The following FBXL4 variants were observed in gnomAD, a reference collection of about 807,000 sequenced individuals.
FBXL4 encodes F-box/LRR-repeat protein 4.
Under a neutral mutation model 58.9 loss-of-function variants are expected in FBXL4, and 40 were observed. The observed-to-expected ratio is 0.68, with a 90% CI of 0.53 to 0.88. The LOEUF (loss-of-function observed/expected upper bound fraction) is 0.88, where lower values mean the gene tolerates loss of function less well. Among genes scored for constraint, FBXL4 ranks in the 40% least tolerant of loss-of-function variants. The probability of loss-of-function intolerance (pLI) is 0.00; values close to 1 mark genes in which losing one functional copy is unlikely to be tolerated. For synonymous variants in FBXL4, 263 were observed against 265.5 expected (o/e 0.99, Z 0.09); for missense variants, 676 against 734.4 (o/e 0.92, Z 0.92).
At position 98,871,965 on chromosome 6, in the gene FBXL4, T is replaced by C. The variant is rs1582353536; in HGVS notation, c.*2313A>G. ...CTTTTGCTCAAGACTTAATAAAATT[T>C]TGAAATGAATTCAAGCCAAAATTAC... On this transcript the variant is annotated 3_prime_UTR_variant, in exon 10 of 10. Coordinates refer to ENST00000369244, the MANE Select transcript of FBXL4 (RefSeq NM_001278716.2). 1 of 152,212 alleles carries C rather than the reference T, an allele frequency of 6.6e-6. No homozygotes were observed. The highest frequency in any genetic ancestry group is 1.5e-5 in the Non-Finnish European group (1 of 68,034). The allele number at this position is 152,212 out of a possible 1,614,324, so 9.4% of individuals were successfully genotyped here.
chr6:98,887,663 A>T (rs1010279597), intron 7 of FBXL4, among the ~76,000 whole-genome samples: 5 of 150,024 alleles, frequency 3.3e-5, no homozygotes, highest in African/African-American at 5.0e-5. Context: ...AATAAAAGAG[A>T]TTTATGTTGA....
intron 4 of FBXL4, among the ~76,000 whole-genome samples, chr6:98,922,772 G>C (rs1339827707): frequency 2.6e-5 from 4 of 152,102 alleles, no homozygotes; most frequent in Non-Finnish European, 4.4e-5. Context: ...TTTTTGAACA[G>C]ATGCATAAAC....
chr6:98,910,335 T>A (rs916729663), intron 5 of FBXL4, among the ~76,000 whole-genome samples: 11 of 152,092 alleles, frequency 7.2e-5, no homozygotes, highest in Non-Finnish European at 1.0e-4. Context: ...AAAACAGGAC[T>A]TCAGACTAGA....
rs550486584 is a variant in FBXL4, at chr6:98,873,310, TAAA to T, written c.*965_*967del. ...ATATATAATATATACATGTATATAT[TAAA>T]AATCATAAATGTGGATATATATTAT... On this transcript the variant is annotated 3_prime_UTR_variant, in exon 10 of 10. Coordinates refer to ENST00000369244, the MANE Select transcript of FBXL4 (RefSeq NM_001278716.2). The T allele has an allele frequency of 5.4e-3, 798 of 147,756 alleles. 10 individuals are homozygous for T. The highest frequency in any genetic ancestry group is 0.018 in the African/African-American group (752 of 40,768). The allele number at this position is 147,756 out of a possible 1,614,324, so 9.2% of individuals were successfully genotyped here. A position where few individuals can be genotyped will look rare whatever the true frequency, so the allele number is the denominator to read the frequency against.
chr6:98,917,088 G>T (rs1358771880), intron 5 of FBXL4, among the ~76,000 whole-genome samples: 1 of 152,004 alleles, frequency 6.6e-6, no homozygotes, highest in Non-Finnish European at 1.5e-5. Context: ...AATTAAAGTG[G>T]ATTGTTACTT....
intron 7 of FBXL4, among the ~76,000 whole-genome samples, chr6:98,884,542 CT>C (rs1311891404): frequency 2.0e-5 from 3 of 152,150 alleles, no homozygotes; most frequent in Non-Finnish European, 4.4e-5. Context: ...GCTTATGAGT[CT>C]CTTACTTGAT....
intron 7 of FBXL4, among the ~76,000 whole-genome samples, chr6:98,885,922 G>A (rs1488593930): frequency 1.3e-5 from 2 of 152,172 alleles, no homozygotes; most frequent in African/African-American, 4.8e-5. Context: ...CATGTCATGA[G>A]GACACTCAGG....
intron 1 of FBXL4, among the ~76,000 whole-genome samples, chr6:98,942,249 C>A (rs929886371): frequency 7.3e-5 from 11 of 151,476 alleles, no homozygotes; most frequent in African/African-American, 2.7e-4. Flanking sequence ...GGAAGACATA[C>A]TATTCAAGTA....
At chr6:98,941,995 C>G (rs1295805772) in intron 1 of FBXL4, among the ~76,000 whole-genome samples, 1 of 150,926 alleles carries the variant, frequency 6.6e-6, no homozygotes, top group Admixed American at 6.6e-5. Flanking sequence ...AATAAATGAC[C>G]TAGAGCACAT....
intron 4 of FBXL4, among the ~76,000 whole-genome samples, chr6:98,921,989 G>A (rs2128403054): frequency 6.6e-6 from 1 of 152,140 alleles, no homozygotes; most frequent in Middle Eastern, 3.4e-3. Flanking sequence ...CAGGACTAGG[G>A]CACTCTATAA....
intron 5 of FBXL4, 31 bp from the exon 6 acceptor site, chr6:98,905,701 A>G: frequency 6.2e-7 from 1 of 1,605,382 alleles, no homozygotes; most frequent in Non-Finnish European, 8.5e-7. Flanking sequence ...AAGATCATCA[A>G]GAGTGAAAAG....
intron 1 of FBXL4, among the ~76,000 whole-genome samples, chr6:98,938,813 C>A (rs901762819): frequency 3.3e-5 from 5 of 151,652 alleles, no homozygotes; most frequent in African/African-American, 9.7e-5. Context: ...CTGGGCACAG[C>A]GGCTCATGCC....
intron 1 of FBXL4, among the ~76,000 whole-genome samples, chr6:98,947,142 T>C (rs7771685): frequency 0.36 from 54,913 of 152,086 alleles, 10,444 homozygotes; most frequent in Middle Eastern, 0.46. Flanking sequence ...TAATAGTTAT[T>C]TGTATACTGT....
intron 7 of FBXL4, among the ~76,000 whole-genome samples, chr6:98,883,237 C>T (rs1312729263): frequency 6.6e-6 from 1 of 151,946 alleles, no homozygotes; most frequent in Non-Finnish European, 1.5e-5. Flanking sequence ...CTGTAAATTG[C>T]TTAATCACAT....
Position 98,872,839 on chromosome 6 carries a change from C to A in FBXL4, c.*1439G>T, listed in dbSNP as rs9388789. 14,197 of 152,170 alleles carry A rather than the reference C, an allele frequency of 0.093. 1,236 individuals are homozygous for A. The highest frequency in any genetic ancestry group is 0.47 in the East Asian group (2,424 of 5,164). The allele number at this position is 152,170 out of a possible 1,614,324, so 9.4% of individuals were successfully genotyped here. A position where few individuals can be genotyped will look rare whatever the true frequency, so the allele number is the denominator to read the frequency against. The stretch of plus-strand genomic sequence containing the variant: ...GCAGCTGTATGATCATAAATAAATT[C>A]TTCAATCTTTCTTTGCCTCAGTTTC... On this transcript the variant is annotated 3_prime_UTR_variant, in exon 10 of 10. Transcript: ENST00000369244.
intron 7 of FBXL4, among the ~76,000 whole-genome samples, chr6:98,885,392 G>A (rs1406992717): frequency 3.3e-5 from 5 of 151,998 alleles, no homozygotes; most frequent in East Asian, 1.9e-4. Flanking sequence ...GAGTCACTAC[G>A]CCCTGCCAAT....
chr6:98,913,238 C>T (rs956336789), intron 5 of FBXL4, among the ~76,000 whole-genome samples: 1 of 152,266 alleles, frequency 6.6e-6, no homozygotes, highest in African/African-American at 2.4e-5. Context: ...GAGACTTTAA[C>T]ACCCCACTGT....
intron 6 of FBXL4, among the ~76,000 whole-genome samples, chr6:98,902,137 A>G (rs954794087): frequency 3.9e-5 from 6 of 152,178 alleles, no homozygotes; most frequent in African/African-American, 1.4e-4. Context: ...TCACAAAATA[A>G]AAGGTAATAG....
At chr6:98,881,086 C>A (rs1770836566) in intron 7 of FBXL4, among the ~76,000 whole-genome samples, 1 of 152,132 alleles carries the variant, frequency 6.6e-6, no homozygotes, top group East Asian at 1.9e-4. Flanking sequence ...GATGGAACTG[C>A]CAATAGAGTC....
Sources: gnomAD v4.1 joint callset for allele counts (sites outside exome capture counted in the v4.1 genomes callset) on GRCh38, gnomAD v4.1.1 for gene constraint, MANE v1.5 for transcripts, NCBI Gene and HGNC (gene_info 2026-07-23, HGNC 2026-07-21) for gene names.